COL24A1: variants seen among roughly 807,000 people sequenced by gnomAD.
COL24A1 encodes the protein collagen type XXIV alpha 1 chain.
In COL24A1, 224 loss-of-function variants were observed where a neutral mutation model predicts 253.9. The observed-to-expected ratio is 0.88, with a 90% CI of 0.79 to 0.99. COL24A1 has a LOEUF of 0.99. Among genes scored for constraint, COL24A1 ranks in the 50% least tolerant of loss-of-function variants. The pLI, the probability that COL24A1 is intolerant of heterozygous loss-of-function variation, is 0.00. For missense variants in COL24A1, 2,131 were observed against 2,068.5 expected (o/e 1.03, Z -0.59); for synonymous variants, 685 against 673.7 (o/e 1.02, Z -0.26).
chr1:85,889,408 T>C (rs1682866966), intron 32 of COL24A1, 152 bp downstream of exon 32: 1 of 572,308 alleles, frequency 1.7e-6, no homozygotes, highest in African/African-American at 1.9e-5. Context: ...CACTATAAAC[T>C]ATTATTTTTC....
At chr1:85,883,678 A>C (rs939397399) in intron 32 of COL24A1, 3 of 152,106 alleles carry the variant, frequency 2.0e-5, no homozygotes, top group Non-Finnish European at 4.4e-5. Flanking sequence ...CTTTTTTTAA[A>C]AACCCTACAG....
chr1:85,813,745 G>T (rs1672804350), intron 47 of COL24A1, among the ~76,000 whole-genome samples: 1 of 151,272 alleles, frequency 6.6e-6, no homozygotes, highest in African/African-American at 2.4e-5. Context: ...TAGAGACGGG[G>T]TTTCACCGTT....
chr1:86,045,502 A>T (rs1559108036), intron 12 of COL24A1, among the ~76,000 whole-genome samples: 1 of 152,200 alleles, frequency 6.6e-6, no homozygotes, highest in East Asian at 1.9e-4. Flanking sequence ...TAGAAATTGG[A>T]TACCCAATAA....
At chr1:86,103,207 C>CT (rs1264116898) in intron 5 of COL24A1, among the ~76,000 whole-genome samples, 1 of 151,984 alleles carries the variant, frequency 6.6e-6, no homozygotes, top group African/African-American at 2.4e-5. Context: ...GCAACCCATG[C>CT]TTTTTTTCTG....
chr1:86,137,747 C>T (rs530834663), intron 2 of COL24A1, among the ~76,000 whole-genome samples: 1 of 152,288 alleles, frequency 6.6e-6, no homozygotes, highest in South Asian at 2.1e-4. Context: ...CTTGCATATC[C>T]AATTGTCTAT....
At chr1:85,821,656 G>A (rs1378547615) in intron 45 of COL24A1, among the ~76,000 whole-genome samples, 3 of 152,096 alleles carry the variant, frequency 2.0e-5, no homozygotes, top group Non-Finnish European at 2.9e-5. Context: ...GTGCCCTTGG[G>A]TTGTATGCCA....
intron 47 of COL24A1, among the ~76,000 whole-genome samples, chr1:85,805,049 C>A (rs891751704): frequency 6.6e-6 from 1 of 152,102 alleles, no homozygotes; most frequent in Non-Finnish European, 1.5e-5. Context: ...CTATATCGCC[C>A]AGGTTGGTGT....
chr1:86,030,861 G>T (rs1240646471), intron 14 of COL24A1, among the ~76,000 whole-genome samples: 1 of 151,310 alleles, frequency 6.6e-6, no homozygotes, highest in Non-Finnish European at 1.5e-5. Flanking sequence ...GCCTCCTAAA[G>T]TGCTGGGATC....
chr1:86,143,037 A>G (rs1397033328), intron 2 of COL24A1, among the ~76,000 whole-genome samples: 2 of 152,242 alleles, frequency 1.3e-5, no homozygotes, highest in Non-Finnish European at 2.9e-5. Flanking sequence ...AATAATATTT[A>G]CAGCCTAAAA....
chr1:85,789,286 G>C (rs1670025006), intron 47 of COL24A1, among the ~76,000 whole-genome samples: 1 of 152,108 alleles, frequency 6.6e-6, no homozygotes, highest in South Asian at 2.1e-4. Flanking sequence ...TCCCTTGTTA[G>C]CTATATTCCT....
At chr1:85,731,530 T>A (rs1363190080) in intron 59 of COL24A1, among the ~76,000 whole-genome samples, 1 of 152,238 alleles carries the variant, frequency 6.6e-6, no homozygotes, top group Non-Finnish European at 1.5e-5. Flanking sequence ...TAAAATTCTG[T>A]GTGTGAGGCA....
chr1:85,918,200 A>G (rs1686091650), intron 24 of COL24A1, among the ~76,000 whole-genome samples: 1 of 150,692 alleles, frequency 6.6e-6, no homozygotes, highest in Non-Finnish European at 1.5e-5. Flanking sequence ...TTTCTATGTC[A>G]TTAAATAATG....
At position 85,826,959 on chromosome 1, in the gene COL24A1, T is replaced by C. The variant is rs567251075; in HGVS notation, c.3682-3221A>G. On this transcript the variant is annotated intron_variant, in intron 43 of 59. Coordinates refer to ENST00000370571, the MANE Select transcript of COL24A1 (RefSeq NM_152890.7). ...TTGCCCTGGCCAGAACTTCCAACAC[T>C]ATGTTGAATAGGAGTGGTGAGAGAG... Among the ~76,000 whole-genome samples the C allele has an allele frequency of 1.5e-4, 23 of 152,042 alleles. 1 individual carries two copies. Among genetic ancestry groups the C allele is most frequent in the African/African-American group, 5.1e-4 (21 of 41,448 alleles).
At chr1:85,836,862 A>C (rs1676057675) in intron 43 of COL24A1, among the ~76,000 whole-genome samples, 2 of 152,216 alleles carry the variant, frequency 1.3e-5, no homozygotes, top group Non-Finnish European at 2.9e-5. Context: ...AAAGTGAATG[A>C]CTGATTGTCC....
intron 3 of COL24A1, among the ~76,000 whole-genome samples, chr1:86,121,008 T>C (rs575708718): frequency 6.6e-6 from 1 of 152,174 alleles, no homozygotes; most frequent in Non-Finnish European, 1.5e-5. Context: ...TGGATGAAGC[T>C]GGAACCATCA....
chr1:86,001,062 T>C (rs1176394181), intron 19 of COL24A1, among the ~76,000 whole-genome samples: 4 of 151,998 alleles, frequency 2.6e-5, no homozygotes, highest in Non-Finnish European at 4.4e-5. Flanking sequence ...AATCTATGTA[T>C]TAAGGCAAGT....
At chr1:85,819,848 C>G (rs1429705944) in intron 45 of COL24A1, among the ~76,000 whole-genome samples, 1 of 135,886 alleles carries the variant, frequency 7.4e-6, no homozygotes, top group Non-Finnish European at 1.6e-5. Context: ...TTCTCTTTTC[C>G]TTTTTTTTTT....
intron 23 of COL24A1, among the ~76,000 whole-genome samples, chr1:85,963,334 T>C (rs563499483): frequency 8.1e-4 from 124 of 152,302 alleles, no homozygotes; most frequent in African/African-American, 2.8e-3. Flanking sequence ...TATGGAAGAA[T>C]AATATATGAA....
intron 28 of COL24A1, 81 bp downstream of exon 28, chr1:85,907,113 T>C: frequency 3.6e-6 from 4 of 1,099,718 alleles, no homozygotes; most frequent in Non-Finnish European, 4.2e-6. Flanking sequence ...GAAGGTATGA[T>C]GCTATTTTTG....
Sources: gnomAD v4.1 joint callset for allele counts (sites outside exome capture counted in the v4.1 genomes callset) on GRCh38, gnomAD v4.1.1 for gene constraint, MANE v1.5 for transcripts, NCBI Gene and HGNC (gene_info 2026-07-23, HGNC 2026-07-21) for gene names.